Variants in RBPMS observed in about 807,000 individuals in gnomAD.
RBPMS encodes RNA binding protein, mRNA processing factor.
In RBPMS, 7 loss-of-function variants were observed where a neutral mutation model predicts 26.8. The ratio of observed to expected loss-of-function variants is 0.26; its 90% CI spans 0.15 to 0.49. The LOEUF (loss-of-function observed/expected upper bound fraction) is 0.49, where lower values mean the gene tolerates loss of function less well. RBPMS is among the 20% of genes least tolerant of loss of function. RBPMS has a pLI of 0.98. For synonymous variants in RBPMS, 96 were observed against 93.3 expected, an observed-to-expected ratio of 1.03 and a Z score of -0.17; for missense variants, 186 against 250.0, an observed-to-expected ratio of 0.74 and a Z score of 1.73.
intron 2 of RBPMS, among the ~76,000 whole-genome samples, chr8:30,477,094 T>G (rs1194537407): frequency 2.0e-5 from 3 of 152,266 alleles, no homozygotes; most frequent in East Asian, 3.9e-4. Flanking sequence ...TGGCTGTGTC[T>G]CCCAGGCTGG....
chr8:30,495,678 C>T (rs1819868361), intron 4 of RBPMS, among the ~76,000 whole-genome samples: 2 of 152,218 alleles, frequency 1.3e-5, no homozygotes, highest in South Asian at 4.1e-4. Flanking sequence ...AACCCAGCAG[C>T]ACAGGCTGTT....
At chr8:30,440,126 C>CG (rs1812910274) in intron 1 of RBPMS, among the ~76,000 whole-genome samples, 2 of 152,028 alleles carry the variant, frequency 1.3e-5, no homozygotes, top group Admixed American at 6.6e-5. Flanking sequence ...TTTTTGGAGA[C>CG]GGGGTCTCAT....
intron 6 of RBPMS, chr8:30,549,367 A>G (rs1235320670): frequency 9.6e-6 from 7 of 730,996 alleles, no homozygotes; most frequent in African/African-American, 3.5e-5. Context: ...GGCTGTGGCT[A>G]TCCGGAAAAC....
At chr8:30,468,638 C>T (rs755542333) in intron 1 of RBPMS, among the ~76,000 whole-genome samples, 9 of 151,970 alleles carry the variant, frequency 5.9e-5, no homozygotes, top group African/African-American at 9.7e-5. Context: ...CTAAGTCAGT[C>T]GAGATATTTA....
intron 2 of RBPMS, among the ~76,000 whole-genome samples, chr8:30,477,119 A>G (rs959299803): frequency 1.3e-5 from 2 of 152,132 alleles, no homozygotes; most frequent in Non-Finnish European, 2.9e-5. Context: ...TAGTGACGCC[A>G]TCGGCTCACT....
intron 2 of RBPMS, among the ~76,000 whole-genome samples, chr8:30,477,592 T>C (rs992377645): frequency 1.3e-5 from 2 of 149,948 alleles, no homozygotes; most frequent in Non-Finnish European, 3.0e-5. Context: ...AATCCATAGA[T>C]TGATTTTTTT....
chr8:30,445,865 T>C (rs368010248), intron 1 of RBPMS, among the ~76,000 whole-genome samples: 7 of 151,840 alleles, frequency 4.6e-5, no homozygotes, highest in African/African-American at 1.7e-4. Context: ...GGTTTCACCA[T>C]GTTGCCCCAG....
chr8:30,529,742 G>A (rs1177478430), intron 5 of RBPMS, among the ~76,000 whole-genome samples: 1 of 148,446 alleles, frequency 6.7e-6, no homozygotes, highest in Non-Finnish European at 1.5e-5. Flanking sequence ...GCATATATTA[G>A]AACTTCATCC....
intron 5 of RBPMS, among the ~76,000 whole-genome samples, chr8:30,519,552 C>T (rs956627850): frequency 2.1e-5 from 3 of 141,564 alleles, no homozygotes; most frequent in African/African-American, 5.2e-5. Flanking sequence ...GGTGCGATCT[C>T]GGCTCACTGC....
intron 1 of RBPMS, among the ~76,000 whole-genome samples, chr8:30,474,022 A>G (rs892936402): frequency 3.9e-5 from 6 of 152,112 alleles, no homozygotes; most frequent in African/African-American, 1.2e-4. Context: ...CTGTGCAGCA[A>G]ACCACCATGG....
chr8:30,493,140 G>T (rs1819571943), intron 4 of RBPMS, among the ~76,000 whole-genome samples: 1 of 152,166 alleles, frequency 6.6e-6, no homozygotes, highest in Admixed American at 6.5e-5. Context: ...CATCAGACTG[G>T]AATGTCTTGG....
At chr8:30,452,293 A>C (rs1380634886) in intron 1 of RBPMS, among the ~76,000 whole-genome samples, 1 of 152,188 alleles carries the variant, frequency 6.6e-6, no homozygotes, top group Non-Finnish European at 1.5e-5. Context: ...GGAAGCAATG[A>C]GTAACTCATG....
At chr8:30,409,702 G>C (rs989032902) in intron 1 of RBPMS, among the ~76,000 whole-genome samples, 4 of 151,020 alleles carry the variant, frequency 2.6e-5, no homozygotes, top group African/African-American at 9.7e-5. Context: ...GCGCGATCTC[G>C]GCTCACCACA....
rs1826144988 is a variant in RBPMS, at chr8:30,549,730, C to CTT, written c.528+5108_528+5109dup. The CTT allele has an allele frequency of 4.5e-5, 21 of 467,730 alleles. No homozygotes were observed. The South Asian group carries it at 5.0e-4, about 11-fold the overall frequency. 29.0% of individuals were successfully genotyped at this position (467,730 alleles called of 1,614,324 possible). ...CCCAGGCCCTTCCTGGAGGCGATTT[C>CTT]TTTCTTTCTTTCTTTCTTTCCTTTT... On this transcript the variant is annotated intron_variant, in intron 6 of 8. Transcript: ENST00000397323.
intron 1 of RBPMS, among the ~76,000 whole-genome samples, chr8:30,458,534 C>T (rs1418783555): frequency 6.6e-6 from 1 of 151,826 alleles, no homozygotes; most frequent in Non-Finnish European, 1.5e-5. Context: ...TATGCTTTAA[C>T]ACTATTCTCT....
At chr8:30,507,295 T>C (rs1260205569) in intron 5 of RBPMS, among the ~76,000 whole-genome samples, 1 of 152,194 alleles carries the variant, frequency 6.6e-6, no homozygotes, top group African/African-American at 2.4e-5. Flanking sequence ...AGCTGTAAAA[T>C]AGGAATAATA....
chr8:30,498,262 A>T lies in RBPMS; in HGVS notation c.247-6024A>T, dbSNP rs1585667485. Among the ~76,000 whole-genome samples, 5 of 151,978 alleles carry T rather than the reference A, an allele frequency of 3.3e-5. No homozygotes were observed. In the South Asian group the frequency reaches 1.0e-3, roughly 32 times the overall value. ...GGAGGTAGAGCCTTTGATTATTTAG[A>T]AGCTTCCTTGGAGAAGTTCAGTATC... is the stretch of plus-strand genomic sequence containing the variant. On this transcript the variant is annotated intron_variant, in intron 4 of 8. Transcript: ENST00000397323.
chr8:30,517,393 G>C (rs1404717949), intron 5 of RBPMS, among the ~76,000 whole-genome samples: 1 of 152,050 alleles, frequency 6.6e-6, no homozygotes, highest in Non-Finnish European at 1.5e-5. Flanking sequence ...TAGCCACTAG[G>C]ACCCTAGCTA....
chr8:30,460,854 C>T (rs970714981), intron 1 of RBPMS, among the ~76,000 whole-genome samples: 1 of 151,858 alleles, frequency 6.6e-6, no homozygotes, highest in African/African-American at 2.4e-5. Context: ...CTCAGGAGTT[C>T]GATAAATGTT....
Sources: allele counts gnomAD v4.1 joint callset (sites outside exome capture counted in the v4.1 genomes callset), GRCh38; gene constraint gnomAD v4.1.1; transcripts MANE v1.5; gene names NCBI Gene and HGNC (gene_info 2026-07-23, HGNC 2026-07-21).